Variants in PPFIA2 observed in about 807,000 individuals in gnomAD.
The protein encoded by PPFIA2 is PPFI scaffold protein A2, also known as liprin-alpha-2.
In PPFIA2, 46 loss-of-function variants were observed where a neutral mutation model predicts 175.5. The ratio of observed to expected loss-of-function variants is 0.26; its 90% CI spans 0.21 to 0.34. The LOEUF is 0.34. Ranked by LOEUF, PPFIA2 falls within the 10% of genes least tolerant of loss-of-function variation. The pLI is 1.00. For synonymous variants in PPFIA2, 568 were observed against 511.4 expected, an observed-to-expected ratio of 1.11 and a Z score of -1.49; for missense variants, 1,179 against 1,506.1, an observed-to-expected ratio of 0.78 and a Z score of 3.60.
intron 14 of PPFIA2, among the ~76,000 whole-genome samples, 160 bp downstream of exon 14, chr12:81,366,948 C>G (rs1420518180): frequency 2.0e-5 from 3 of 151,570 alleles, no homozygotes; most frequent in Admixed American, 1.3e-4. Context: ...CTCTTCCTCT[C>G]TATGTACGCT....
intron 4 of PPFIA2, among the ~76,000 whole-genome samples, chr12:81,639,795 G>A (rs992610748): frequency 1.3e-5 from 2 of 151,874 alleles, no homozygotes; most frequent in Non-Finnish European, 1.5e-5. Context: ...CATTGATATC[G>A]CAATACTAAA....
At chr12:81,364,184 T>A (rs1459056901) in intron 14 of PPFIA2, among the ~76,000 whole-genome samples, 1 of 151,400 alleles carries the variant, frequency 6.6e-6, no homozygotes, top group Non-Finnish European at 1.5e-5. Flanking sequence ...CGCCTCTTAG[T>A]GGAAATGGAG....
At chr12:81,673,756 T>A (rs2071901187) in intron 4 of PPFIA2, among the ~76,000 whole-genome samples, 1 of 152,034 alleles carries the variant, frequency 6.6e-6, no homozygotes, top group African/African-American at 2.4e-5. Flanking sequence ...TTTGGAAAAA[T>A]CTGCAAGTTG....
At chr12:81,736,353 G>A (rs1021323205) in intron 3 of PPFIA2, among the ~76,000 whole-genome samples, 2 of 151,764 alleles carry the variant, frequency 1.3e-5, no homozygotes, top group East Asian at 1.9e-4. Flanking sequence ...ATCATTCTTC[G>A]ATACTGTACC....
intron 3 of PPFIA2, among the ~76,000 whole-genome samples, chr12:81,747,657 T>C (rs2083240226): frequency 7.0e-6 from 1 of 143,142 alleles, no homozygotes; most frequent in African/African-American, 2.5e-5. Context: ...CATAACGATC[T>C]TATGAGGCAG....
At chr12:81,512,432 C>A (rs2061915624) in intron 4 of PPFIA2, 2 of 990,368 alleles carry the variant, frequency 2.0e-6, no homozygotes, top group Non-Finnish European at 2.7e-6. Flanking sequence ...TGGAATTTTT[C>A]TTTAATCTAA....
At chr12:81,637,070 T>C (rs1051105172) in intron 4 of PPFIA2, among the ~76,000 whole-genome samples, 1 of 150,140 alleles carries the variant, frequency 6.7e-6, no homozygotes, top group Non-Finnish European at 1.5e-5. Flanking sequence ...CTCTATATCT[T>C]TTTTTTTTCT....
chr12:81,297,737 T>C (rs1196989402), intron 23 of PPFIA2, among the ~76,000 whole-genome samples: 3 of 152,340 alleles, frequency 2.0e-5, no homozygotes, highest in Non-Finnish European at 4.4e-5. Context: ...TGCCAATACA[T>C]TGTTACCAAT....
At chr12:81,556,245 T>A (rs1177111908) in intron 4 of PPFIA2, among the ~76,000 whole-genome samples, 1 of 151,954 alleles carries the variant, frequency 6.6e-6, no homozygotes, top group African/African-American at 2.4e-5. Flanking sequence ...CTAATAATAT[T>A]CCTTGATAAA....
At chr12:81,575,560 C>T (rs1647380821) in intron 4 of PPFIA2, among the ~76,000 whole-genome samples, 1 of 151,500 alleles carries the variant, frequency 6.6e-6, no homozygotes. Context: ...TAAAGGTGAA[C>T]AGAAAGATAT....
At chr12:81,417,499 T>C (rs1294639911) in intron 7 of PPFIA2, among the ~76,000 whole-genome samples, 2 of 151,716 alleles carry the variant, frequency 1.3e-5, no homozygotes, top group African/African-American at 4.8e-5. Flanking sequence ...GAAAAAAATA[T>C]AGAAAGCAGA....
intron 21 of PPFIA2, among the ~76,000 whole-genome samples, chr12:81,331,525 G>A (rs771224803): frequency 5.9e-5 from 9 of 152,032 alleles, no homozygotes; most frequent in Admixed American, 2.6e-4. Context: ...TATTATAGTA[G>A]GTCAATGAGT....
intron 28 of PPFIA2, among the ~76,000 whole-genome samples, chr12:81,276,291 G>C (rs1000705266): frequency 6.6e-6 from 1 of 152,046 alleles, no homozygotes; most frequent in African/African-American, 2.4e-5. Context: ...GGAGGGTGGC[G>C]AAAGATGAGA....
intron 32 of PPFIA2, among the ~76,000 whole-genome samples, chr12:81,261,462 C>T (rs546936216): frequency 6.6e-6 from 1 of 152,268 alleles, no homozygotes; most frequent in East Asian, 1.9e-4. Context: ...AGTGATCCAC[C>T]TGCCTCGGCA....
chr12:81,405,491 T>C (rs2042772758), intron 8 of PPFIA2, among the ~76,000 whole-genome samples: 1 of 151,704 alleles, frequency 6.6e-6, no homozygotes, highest in African/African-American at 2.4e-5. Flanking sequence ...ATATTCTTTA[T>C]ACATATTATA....
chr12:81,390,874 G>T (rs981286029), intron 8 of PPFIA2, among the ~76,000 whole-genome samples: 6 of 151,090 alleles, frequency 4.0e-5, no homozygotes, highest in South Asian at 4.2e-4. Context: ...AGGTCATAAA[G>T]ATTTTCAATT....
At chr12:81,719,178 A>G (rs1203899717) in intron 3 of PPFIA2, among the ~76,000 whole-genome samples, 1 of 151,652 alleles carries the variant, frequency 6.6e-6, no homozygotes, top group African/African-American at 2.4e-5. Flanking sequence ...ATTCCACTTC[A>G]TGTTAGTACT....
intron 3 of PPFIA2, among the ~76,000 whole-genome samples, chr12:81,726,889 G>A (rs2080157486): frequency 6.6e-6 from 1 of 151,250 alleles, no homozygotes; most frequent in Non-Finnish European, 1.5e-5. Context: ...TGAATGACCT[G>A]CCAATTGCTC....
At chr12:81,279,672 A>T (rs1296041710) in intron 27 of PPFIA2, among the ~76,000 whole-genome samples, 1 of 151,974 alleles carries the variant, frequency 6.6e-6, no homozygotes, top group Non-Finnish European at 1.5e-5. Flanking sequence ...TCATTTGAGT[A>T]TTTTTTTTAA....
Sources: allele counts gnomAD v4.1 joint callset (sites outside exome capture counted in the v4.1 genomes callset), GRCh38; gene constraint gnomAD v4.1.1; transcripts MANE v1.5; gene names NCBI Gene and HGNC (gene_info 2026-07-23, HGNC 2026-07-21).